The following NEK10 variants were observed in gnomAD, a reference collection of about 807,000 sequenced individuals.
NEK10 encodes the protein serine/threonine-protein kinase Nek10.
A neutral mutation model predicts 159.8 loss-of-function variants in NEK10; 122 were observed. The ratio of observed to expected loss-of-function variants is 0.76; its 90% CI spans 0.66 to 0.89. NEK10 has a LOEUF of 0.89. Among genes scored for constraint, NEK10 ranks in the 40% least tolerant of loss-of-function variants. NEK10 has a pLI of 0.00. For missense variants in NEK10, 1,342 were observed against 1,323.1 expected, an observed-to-expected ratio of 1.01 and a Z score of -0.22; for synonymous variants, 466 against 457.1, an observed-to-expected ratio of 1.02 and a Z score of -0.25.
At chr3:27,359,128 GGAGGCA>G (rs1363827546) in intron 1 of NEK10, among the ~76,000 whole-genome samples, 1 of 151,332 alleles carries the variant, frequency 6.6e-6, no homozygotes, top group Non-Finnish European at 1.5e-5. Flanking sequence ...CTTGAACCCA[GGAGGCA>G]GAGGTTGCAG....
At chr3:27,313,367 G>C (rs770004022) in intron 7 of NEK10, among the ~76,000 whole-genome samples, 1 of 152,044 alleles carries the variant, frequency 6.6e-6, no homozygotes, top group Non-Finnish European at 1.5e-5. Flanking sequence ...GCTTACCCTC[G>C]CTCAGTAGTT....
chr3:27,152,611 A>G (rs180816878), intron 30 of NEK10, among the ~76,000 whole-genome samples: 1 of 152,166 alleles, frequency 6.6e-6, no homozygotes, highest in Non-Finnish European at 1.5e-5. Flanking sequence ...ACAAAAAAAA[A>G]ACAAAAGTAC....
intron 26 of NEK10, among the ~76,000 whole-genome samples, chr3:27,179,047 G>C (rs1947803203): frequency 1.3e-5 from 2 of 152,092 alleles, no homozygotes. Flanking sequence ...GAAATACAGA[G>C]GCACACCACT....
At chr3:27,111,747 A>G (rs1939582296) in intron 35 of NEK10, among the ~76,000 whole-genome samples, 1 of 152,230 alleles carries the variant, frequency 6.6e-6, no homozygotes, top group Non-Finnish European at 1.5e-5. Flanking sequence ...AATGTAATAC[A>G]TAAGTATATT....
chr3:27,233,399 A>G (rs1304515205), intron 23 of NEK10, among the ~76,000 whole-genome samples: 1 of 151,884 alleles, frequency 6.6e-6, no homozygotes, highest in Non-Finnish European at 1.5e-5. Context: ...AAAAATCCAA[A>G]ACAATAGATG....
At chr3:27,162,604 G>T (rs1946121360) in intron 30 of NEK10, 97 bp downstream of exon 30, 1 of 1,614,004 alleles carries the variant, frequency 6.2e-7, no homozygotes, top group Non-Finnish European at 8.5e-7. Flanking sequence ...CAGCAAAGCT[G>T]AAGAAATAAA....
chr3:27,115,314 T>C (rs1308962919), intron 35 of NEK10, among the ~76,000 whole-genome samples: 5 of 152,218 alleles, frequency 3.3e-5, no homozygotes, highest in Non-Finnish European at 7.3e-5. Context: ...ACTCAAATTG[T>C]TGTGCCAACA....
At chr3:27,191,941 T>G (rs2148977783) in intron 26 of NEK10, 88 bp downstream of exon 26, 1 of 1,135,370 alleles carries the variant, frequency 8.8e-7, no homozygotes. Context: ...TTTTCTAACT[T>G]TTGATGAATG....
chr3:27,202,652 T>C lies in NEK10; in HGVS notation c.2091-95A>G. The C allele has an allele frequency of 4.4e-6, 6 of 1,352,692 alleles. No homozygotes were observed. In the South Asian group the frequency reaches 1.2e-4, roughly 26 times the overall value. 83.8% of individuals were successfully genotyped at this position (1,352,692 alleles called of 1,614,324 possible). A position where few individuals can be genotyped will look rare whatever the true frequency, so the allele number is the denominator to read the frequency against. On this transcript the variant is annotated intron_variant, in intron 23 of 35. Transcript: ENST00000691995. ...AGCTTTATTGGAGTTATTTTTTAAG[T>C]ATCTGAAATGTTTAACTTAATCACT... is the stretch of plus-strand genomic sequence containing the variant.
chr3:27,336,880 A>G (rs2046839471), intron 5 of NEK10, among the ~76,000 whole-genome samples: 2 of 152,094 alleles, frequency 1.3e-5, no homozygotes, highest in South Asian at 2.1e-4. Flanking sequence ...AAAAATATCA[A>G]CTTCAGCCAA....
chr3:27,215,726 G>A, intron 23 of NEK10: 1 of 701,970 alleles, frequency 1.4e-6, no homozygotes, highest in Non-Finnish European at 2.6e-6. Flanking sequence ...GGTTTAATTG[G>A]CTCACGGTTC....
intron 25 of NEK10, among the ~76,000 whole-genome samples, chr3:27,199,157 T>TCA (rs1291896612): frequency 1.3e-5 from 2 of 151,108 alleles, no homozygotes; most frequent in Non-Finnish European, 2.9e-5. Flanking sequence ...AAGGATACTA[T>TCA]CAACAGAGTA....
At chr3:27,166,817 G>A (rs1351737185) in intron 29 of NEK10, among the ~76,000 whole-genome samples, 1 of 152,068 alleles carries the variant, frequency 6.6e-6, no homozygotes, top group Non-Finnish European at 1.5e-5. Context: ...AAAATTAGCT[G>A]GGTGTGGTGG....
At chr3:27,250,638 G>A (rs1387200711) in intron 23 of NEK10, among the ~76,000 whole-genome samples, 1 of 152,084 alleles carries the variant, frequency 6.6e-6, no homozygotes, top group Non-Finnish European at 1.5e-5. Flanking sequence ...GTTTGTCTGG[G>A]AAAGTCTTTA....
At position 27,284,833 on chromosome 3, in the gene NEK10, A is replaced by G. The variant is rs1358220737; in HGVS notation, c.1911+7T>C. 1 of 1,580,710 alleles carries G rather than the reference A, an allele frequency of 6.3e-7. No individual in the cohort carries two copies. The highest frequency in any genetic ancestry group is 8.7e-7 in the Non-Finnish European group (1 of 1,152,224). On this transcript the variant is annotated splice_region_variant and intron_variant, in intron 21 of 35. Coordinates refer to ENST00000691995, the MANE Select transcript of NEK10 (RefSeq NM_001394966.1). Reference sequence around the variant, plus strand: ...TTAAGAAAAATTTAATGAAGATAAAAGCATACCTGTATAAATATTTTCCAT... The same window carrying G: ...TTAAGAAAAATTTAATGAAGATAAAGGCATACCTGTATAAATATTTTCCAT...
chr3:27,222,265 C>G (rs1238939279), intron 23 of NEK10, among the ~76,000 whole-genome samples: 2 of 152,144 alleles, frequency 1.3e-5, no homozygotes, highest in African/African-American at 4.8e-5. Context: ...CCCAGCTACT[C>G]TGGAGGCTGA....
chr3:27,162,254 C>A, intron 30 of NEK10: 3 of 879,358 alleles, frequency 3.4e-6, no homozygotes, highest in Non-Finnish European at 4.9e-6. Context: ...GAAAAAACAG[C>A]CCATAATATT....
intron 5 of NEK10, among the ~76,000 whole-genome samples, chr3:27,342,367 G>C (rs1483765930): frequency 6.6e-6 from 1 of 152,188 alleles, no homozygotes; most frequent in East Asian, 1.9e-4. Context: ...TACATGGGGT[G>C]AGGCACAATG....
intron 5 of NEK10, among the ~76,000 whole-genome samples, chr3:27,330,826 G>A (rs2046342025): frequency 6.6e-6 from 1 of 152,138 alleles, no homozygotes; most frequent in African/African-American, 2.4e-5. Flanking sequence ...TGACCTCAAT[G>A]AGTCCAGGAA....
Sources: gnomAD v4.1 joint callset for allele counts (sites outside exome capture counted in the v4.1 genomes callset) on GRCh38, gnomAD v4.1.1 for gene constraint, MANE v1.5 for transcripts, NCBI Gene and HGNC (gene_info 2026-07-23, HGNC 2026-07-21) for gene names.